Variants in GPR19 observed in about 807,000 individuals in gnomAD.
The protein encoded by GPR19 is G protein-coupled receptor 19, also known as probable G protein-coupled receptor 19.
A neutral mutation model predicts 28.5 loss-of-function variants in GPR19; 14 were observed. That is an observed-to-expected ratio of 0.49 (90% CI 0.32 to 0.77). GPR19 has a LOEUF of 0.77. Among genes scored for constraint, GPR19 ranks in the 30% least tolerant of loss-of-function variants. The pLI is 0.03. For synonymous variants in GPR19, 173 were observed against 184.1 expected (o/e 0.94, Z 0.49); for missense variants, 409 against 504.1 (o/e 0.81, Z 1.81).
chr12:12,690,184 T>C (rs1946163555), intron 2 of GPR19, among the ~76,000 whole-genome samples: 1 of 152,246 alleles, frequency 6.6e-6, no homozygotes, highest in African/African-American at 2.4e-5. Context: ...TATGCGGTAA[T>C]AGATGACTAA....
At chr12:12,671,163 G>A (rs1040347820) in intron 3 of GPR19, among the ~76,000 whole-genome samples, 7 of 151,702 alleles carry the variant, frequency 4.6e-5, no homozygotes, top group Non-Finnish European at 1.0e-4. Flanking sequence ...AAAATTAGCC[G>A]GGTGTGGCGG....
At chr12:12,682,328 A>G (rs1946034682) in intron 3 of GPR19, among the ~76,000 whole-genome samples, 1 of 152,228 alleles carries the variant, frequency 6.6e-6, no homozygotes, top group African/African-American at 2.4e-5. Flanking sequence ...AACTTCAGGC[A>G]TAATTTTGAC....
At chr12:12,676,399 A>T (rs1037334727) in intron 3 of GPR19, among the ~76,000 whole-genome samples, 2 of 152,132 alleles carry the variant, frequency 1.3e-5, no homozygotes, top group Admixed American at 1.3e-4. Flanking sequence ...TTAATTTATA[A>T]CCCACCACTT....
At chr12:12,704,568 G>A in the GPR19 span, among the ~76,000 whole-genome samples, 2 of 152,210 alleles carry the variant, frequency 1.3e-5, no homozygotes, top group African/African-American at 2.4e-5. Flanking sequence ...TGTGAGTAGT[G>A]TATGAAAATG....
intron 3 of GPR19, among the ~76,000 whole-genome samples, chr12:12,663,811 C>T (rs1219410170): frequency 6.6e-6 from 1 of 152,078 alleles, no homozygotes; most frequent in Non-Finnish European, 1.5e-5. Flanking sequence ...TTACAGCCAC[C>T]ATTTTGCAGA....
intron 3 of GPR19, among the ~76,000 whole-genome samples, chr12:12,674,142 G>A (rs946427130): frequency 1.3e-5 from 2 of 150,458 alleles, no homozygotes; most frequent in African/African-American, 2.5e-5. Flanking sequence ...AACCTGGGAG[G>A]CGGAGGTTGC....
intron 3 of GPR19, among the ~76,000 whole-genome samples, chr12:12,683,458 G>A (rs569933390): frequency 5.9e-5 from 9 of 152,300 alleles, no homozygotes; most frequent in Admixed American, 1.3e-4. Context: ...GTCAAGTTTC[G>A]TAGGTCCAAA....
At chr12:12,675,905 A>T (rs898181207) in intron 3 of GPR19, among the ~76,000 whole-genome samples, 1 of 152,236 alleles carries the variant, frequency 6.6e-6, no homozygotes, top group African/African-American at 2.4e-5. Context: ...GAACTCAGCC[A>T]AACCCACCCA....
chr12:12,662,740 C>T (rs16908305), intron 3 of GPR19, among the ~76,000 whole-genome samples: 2,082 of 152,320 alleles, frequency 0.014, 22 homozygotes, highest in Non-Finnish European at 0.02. Flanking sequence ...ACCGAGCTCC[C>T]CTCCTACACA....
chr12:12,692,292 A>C (rs958908919), intron 2 of GPR19, among the ~76,000 whole-genome samples: 1 of 152,154 alleles, frequency 6.6e-6, no homozygotes, highest in African/African-American at 2.4e-5. Flanking sequence ...ATCTAACTCC[A>C]GAAAGACCTT....
rs146643685 is a variant in GPR19 at position 12,669,237 on chromosome 12, A to G, written c.-22-6767T>C. ...AAGCTTAGCATCAAAAGTGCGCCAGACATGCTGGCCTGGAGAAATAGCCTT... is the reference window on the plus strand; with the variant it reads ...AAGCTTAGCATCAAAAGTGCGCCAGGCATGCTGGCCTGGAGAAATAGCCTT... On this transcript the variant is annotated intron_variant, in intron 3 of 3. Coordinates refer to ENST00000651487, the MANE Select transcript of GPR19 (RefSeq NM_006143.3). Among the ~76,000 whole-genome samples, 988 of 152,368 alleles carry G rather than the reference A, an allele frequency of 6.5e-3. 10 individuals are homozygous for G. Among genetic ancestry groups the G allele is most frequent in the South Asian group, 0.018 (86 of 4,832 alleles).
chr12:12,705,884 A>G, the GPR19 span, among the ~76,000 whole-genome samples: 1 of 152,168 alleles, frequency 6.6e-6, no homozygotes, highest in African/African-American at 2.4e-5. Flanking sequence ...TTAAGAAAAG[A>G]TATTGAAGGA....
At chr12:12,676,447 A>G (rs1471777289) in intron 3 of GPR19, among the ~76,000 whole-genome samples, 1 of 152,118 alleles carries the variant, frequency 6.6e-6, no homozygotes, top group East Asian at 1.9e-4. Flanking sequence ...GTGCATTTTG[A>G]TGGGAGGAGA....
In GPR19 at chr12:12,681,295, G is replaced by C. The variant is rs148170250; in HGVS notation, c.-23+3056C>G. On this transcript the variant is annotated intron_variant, in intron 3 of 3. Transcript: ENST00000651487. ...TTTGGCAGGGTTTACTTGCAGGCAA[G>C]CTGTTGTGTCCGAAAGGCAGGACCC... Among the ~76,000 whole-genome samples, 552 of 152,314 alleles carry C rather than the reference G, an allele frequency of 3.6e-3. 2 individuals carry two copies. The highest frequency in any genetic ancestry group is 6.0e-3 in the Non-Finnish European group (409 of 68,016).
At chr12:12,687,240 A>C (rs1453637951) in intron 2 of GPR19, among the ~76,000 whole-genome samples, 6 of 152,258 alleles carry the variant, frequency 3.9e-5, no homozygotes, top group African/African-American at 1.4e-4. Flanking sequence ...TCTGAAATTC[A>C]AAATAGAAAC....
chr12:12,686,160 T>G (rs1212385725), intron 2 of GPR19, among the ~76,000 whole-genome samples: 1 of 152,230 alleles, frequency 6.6e-6, no homozygotes, highest in Non-Finnish European at 1.5e-5. Flanking sequence ...AGAATATTTA[T>G]TTTTTGAAAG....
At chr12:12,701,072 G>A (rs1946320439), upstream of GPR19, among the ~76,000 whole-genome samples, 1 of 152,088 alleles carries the variant, frequency 6.6e-6, no homozygotes, top group Non-Finnish European at 1.5e-5. Flanking sequence ...ATCCGATCGA[G>A]GATTTTGTCT....
chr12:12,661,215 T>C lies in GPR19; in HGVS notation c.1234A>G (p.Asn412Asp). ...AGAATGAGAACTTAGACAAAAGTAT[T>C]TGGTGGATTTGAGTTAATGGGCCAA... is the stretch of plus-strand genomic sequence containing the variant. Reference protein sequence around the residue: ...LAWPINSNPPNTFV With the variant: ...LAWPINSNPPDTFV The change falls in exon 4 of 4, where the codon AAT becomes GAT. Residue 412 changes from asparagine (N) to aspartate (D), a missense_variant. Coordinates refer to ENST00000651487, the MANE Select transcript of GPR19 (RefSeq NM_006143.3). The surrounding 1 kb of genome is among the most constrained non-coding windows in gnomAD (Gnocchi z 4.2). The C allele has an allele frequency of 1.2e-6, 2 of 1,603,648 alleles. No homozygotes were observed. Among genetic ancestry groups the C allele is most frequent in the South Asian group, 2.2e-5 (2 of 89,448 alleles).
intron 2 of GPR19, among the ~76,000 whole-genome samples, chr12:12,694,754 G>T (rs1946237822): frequency 6.6e-6 from 1 of 152,148 alleles, no homozygotes. Context: ...ATTCCCAATT[G>T]TACACACTTT....
Sources: allele counts gnomAD v4.1 joint callset (sites outside exome capture counted in the v4.1 genomes callset), GRCh38; gene constraint gnomAD v4.1.1; non-coding constraint Gnocchi (gnomAD v3.1); transcripts MANE v1.5; gene names NCBI Gene and HGNC (gene_info 2026-07-23, HGNC 2026-07-21).